TRIM37: variants seen among roughly 807,000 people sequenced by gnomAD.
TRIM37 encodes tripartite motif containing 37.
TRIM37 carries 80 observed loss-of-function variants against 129.8 expected under a neutral mutation model. The observed-to-expected ratio is 0.62, with a 90% CI of 0.51 to 0.74. The LOEUF (loss-of-function observed/expected upper bound fraction) is 0.74. Ranked by LOEUF, TRIM37 falls within the 30% of genes least tolerant of loss-of-function variation. The pLI is 0.00. For missense variants in TRIM37, 1,054 were observed against 1,176.5 expected, an observed-to-expected ratio of 0.90 and a Z score of 1.52; for synonymous variants, 389 against 387.1, an observed-to-expected ratio of 1.00 and a Z score of -0.06.
At chr17:59,011,056 G>A (rs1242030931) in intron 22 of TRIM37, among the ~76,000 whole-genome samples, 1 of 151,868 alleles carries the variant, frequency 6.6e-6, no homozygotes, top group African/African-American at 2.4e-5. Context: ...TGTAATCCCA[G>A]CTATGCAGAG....
In TRIM37 at chr17:59,017,374, C is replaced by T; in HGVS notation, c.2308G>A (p.Gly770Ser). 1.2e-6 allele frequency: 2 copies of T among 1,614,122 alleles called. No homozygotes were observed. Among genetic ancestry groups the T allele is most frequent in the Non-Finnish European group, 1.7e-6 (2 of 1,180,000 alleles). ...ACTGCTCTTCGAAGTGATAGACTAC[C>T]TGCTACACTGGATCGAGCTGGCTTG... ...SPKPARSSVA[G>S]SLSLRRAVDP... The change falls in exon 20 of 24, where the codon GGT (glycine) becomes AGT (serine). Residue 770 changes from glycine (G) to serine (S), a missense_variant. Physicochemically the swap from Gly to Ser is moderately conservative, Grantham distance 56. Transcript: ENST00000262294.
rs770588952 is a variant in TRIM37, at chr17:59,049,384, T to C, written c.1324A>G (p.Ile442Val). 6 of 1,613,964 alleles carry C rather than the reference T, an allele frequency of 3.7e-6. No individual in the cohort carries two copies. The highest frequency in any genetic ancestry group is 5.1e-6 in the Non-Finnish European group (6 of 1,179,966). ...GACTTCTGAGTTCGAGACAGCTCAA[T>C]AGTAAGTCTCTTTTAAAACAAGAAA... The part of the protein sequence containing the change: ...QINNLKERLT[I>V]ELSRTQKSRD... The change falls in exon 15 of 24, where the codon ATT (isoleucine) becomes GTT (valine). Residue 442 changes from isoleucine to valine, a missense_variant. Ile to Val is a conservative substitution (Grantham distance 29). Coordinates refer to ENST00000262294, the MANE Select transcript of TRIM37 (RefSeq NM_015294.6).
chr17:59,103,792 T>C (rs1383530021), intron 2 of TRIM37, among the ~76,000 whole-genome samples: 1 of 145,692 alleles, frequency 6.9e-6, no homozygotes, highest in Admixed American at 6.8e-5. Flanking sequence ...GGGACACAGG[T>C]ACATGCCACC....
chr17:58,996,777 A>AC (rs2033046914), downstream of TRIM37, among the ~76,000 whole-genome samples: 1 of 143,876 alleles, frequency 7.0e-6, no homozygotes, highest in Non-Finnish European at 1.5e-5. Flanking sequence ...AAAAAAAAAA[A>AC]AAAAGTATAT....
At chr17:59,007,524 C>A (rs1195545876) in intron 22 of TRIM37, among the ~76,000 whole-genome samples, 1 of 151,996 alleles carries the variant, frequency 6.6e-6, no homozygotes, top group Non-Finnish European at 1.5e-5. Context: ...GTTTTGAGTA[C>A]CCCTGATTTA....
rs745704741 is a variant in TRIM37 at position 59,028,501 on chromosome 17, C to T, written c.2171G>A (p.Cys724Tyr). The part of the protein sequence containing the change: ...FSADQAALAA[C>Y]GTENSGRLQD... Reference sequence around the variant, plus strand: ...CAATCTGCCAGAGTTTTCAGTTCCACATGCAGCCAGAGCTGCCTGGTCAGC... The same window carrying T: ...CAATCTGCCAGAGTTTTCAGTTCCATATGCAGCCAGAGCTGCCTGGTCAGC... Residue 724 changes from cysteine to tyrosine, a missense_variant, in exon 19 of 24, where the codon TGT becomes TAT. This residue lies in a region of TRIM37 where 15 missense variants were observed against 31.4 expected (regional missense o/e 0.48). Transcript: ENST00000262294. 1.2e-6 allele frequency: 2 copies of T among 1,614,086 alleles called. No homozygotes were observed. Among genetic ancestry groups the T allele is most frequent in the Admixed American group, 3.3e-5 (2 of 60,012 alleles).
Position 59,049,508 on chromosome 17 carries a change from T to G in TRIM37, c.1315-115A>C. 4 of 962,356 alleles carry G rather than the reference T, an allele frequency of 4.2e-6. No homozygotes were observed. The South Asian group carries it at 5.6e-5, about 13-fold the overall frequency. The allele number at this position is 962,356 out of a possible 1,614,324, so 59.6% of individuals were successfully genotyped here. A position where few individuals can be genotyped will look rare whatever the true frequency, so the allele number is the denominator to read the frequency against. ...TTCTAAAACCATTGCTTTATTTATT[T>G]TTTGAGAATGGTCTCACTCTGTTGC... On this transcript the variant is annotated intron_variant, in intron 14 of 23. Coordinates refer to ENST00000262294, the MANE Select transcript of TRIM37 (RefSeq NM_015294.6).
At chr17:59,067,593 T>TA in intron 9 of TRIM37, among the ~76,000 whole-genome samples, 1 of 152,200 alleles carries the variant, frequency 6.6e-6, no homozygotes. Context: ...CCCTGAAACA[T>TA]AAAACTCTCT....
chr17:59,020,260 A>G (rs890770731), intron 19 of TRIM37, among the ~76,000 whole-genome samples: 1 of 127,016 alleles, frequency 7.9e-6, no homozygotes, highest in African/African-American at 3.0e-5. Flanking sequence ...AAAAAAAAAA[A>G]GCATTAACAA....
At position 59,024,361 on chromosome 17, in the gene TRIM37, A is replaced by G. The variant is rs377181639; in HGVS notation, c.2257+4054T>C. ...TCCACTCACAACAGCTACCTAAGAT[A>G]TAATACATTGAGAAATGAATTTAAC... is the stretch of plus-strand genomic sequence containing the variant. On this transcript the variant is annotated intron_variant, in intron 19 of 23. Transcript: ENST00000262294. Among the ~76,000 whole-genome samples, 3 of 152,208 alleles carry G rather than the reference A, an allele frequency of 2.0e-5. No homozygotes were observed. In the South Asian group the frequency reaches 6.2e-4, roughly 31 times the overall value.
downstream of TRIM37, among the ~76,000 whole-genome samples, chr17:58,994,750 C>CTT (rs796722512): frequency 1.4e-5 from 2 of 142,424 alleles, no homozygotes; most frequent in Non-Finnish European, 3.1e-5. Flanking sequence ...TTCTTTCTTT[C>CTT]TTTTTTTTTT....
the TRIM37 span, among the ~76,000 whole-genome samples, chr17:58,967,504 G>GTA: frequency 8.8e-3 from 1,307 of 148,404 alleles, 12 homozygotes; most frequent in East Asian, 0.034. Context: ...ATATATATGT[G>GTA]TATATATATA....
chr17:59,042,033 T>A, intron 16 of TRIM37, 135 bp from the exon 17 acceptor site: 1 of 695,442 alleles, frequency 1.4e-6, no homozygotes, highest in Non-Finnish European at 2.4e-6. Context: ...AGAAAGATTT[T>A]TGTCATTTTC....
chr17:59,008,723 C>A (rs1190669873), intron 22 of TRIM37, among the ~76,000 whole-genome samples: 1 of 152,086 alleles, frequency 6.6e-6, no homozygotes, highest in Non-Finnish European at 1.5e-5. Flanking sequence ...TACAGCAAGA[C>A]CAAGTCTCTA....
chr17:59,039,178 G>A (rs931885287), intron 17 of TRIM37, among the ~76,000 whole-genome samples: 1 of 152,160 alleles, frequency 6.6e-6, no homozygotes, highest in Non-Finnish European at 1.5e-5. Context: ...ATGCATGCGT[G>A]TGTTTCCCTT....
chr17:59,069,622 G>A (rs919645408), intron 9 of TRIM37, among the ~76,000 whole-genome samples: 5 of 152,094 alleles, frequency 3.3e-5, no homozygotes, highest in Non-Finnish European at 5.9e-5. Flanking sequence ...CATAGAATAA[G>A]CTAAGGAGAT....
chr17:59,047,092 G>A (rs1322124992), intron 16 of TRIM37, among the ~76,000 whole-genome samples: 1 of 151,478 alleles, frequency 6.6e-6, no homozygotes, highest in African/African-American at 2.4e-5. Flanking sequence ...GGTGGAGCTT[G>A]CAGTGAGCTG....
chr17:59,041,908 T>C lies in TRIM37; in HGVS notation c.1668-10A>G, dbSNP rs984057359. ...ATCATTTTCTCCAGACCTAAGAATA[T>C]ACAAAATCCATCATTTATATAGAGT... On this transcript the variant is annotated splice_polypyrimidine_tract_variant and intron_variant, in intron 16 of 23. Coordinates refer to ENST00000262294, the MANE Select transcript of TRIM37 (RefSeq NM_015294.6). 2.5e-6 allele frequency: 4 copies of C among 1,596,104 alleles called. No homozygotes were observed. The highest frequency in any genetic ancestry group is 2.2e-5 in the East Asian group (1 of 44,732).
intron 17 of TRIM37, among the ~76,000 whole-genome samples, chr17:59,034,831 T>C (rs375044990): frequency 6.6e-6 from 1 of 152,088 alleles, no homozygotes; most frequent in Non-Finnish European, 1.5e-5. Flanking sequence ...AAATATATTA[T>C]CAGTACCCCA....
Sources: allele counts gnomAD v4.1 joint callset (sites outside exome capture counted in the v4.1 genomes callset), GRCh38; gene constraint gnomAD v4.1.1; regional missense constraint gnomAD v4.1.1; transcripts MANE v1.5; gene names NCBI Gene and HGNC (gene_info 2026-07-23, HGNC 2026-07-21).